The following SLC13A5 variants were observed in gnomAD, a reference collection of about 807,000 sequenced individuals.
SLC13A5 encodes solute carrier family 13 member 5.
Under a neutral mutation model 56.5 loss-of-function variants are expected in SLC13A5, and 25 were observed. That is an observed-to-expected ratio of 0.44 (90% CI 0.32 to 0.62). The LOEUF (loss-of-function observed/expected upper bound fraction) is 0.62. Ranked by LOEUF, SLC13A5 falls within the 20% of genes least tolerant of loss-of-function variation. SLC13A5 has a pLI of 0.04. For synonymous variants in SLC13A5, 307 were observed against 301.5 expected (o/e 1.02, Z -0.19); for missense variants, 649 against 737.8 (o/e 0.88, Z 1.39).
At position 6,697,970 on chromosome 17, in the gene SLC13A5, G is replaced by A. The variant is rs1036414929; in HGVS notation, c.840-2029C>T. Among the ~76,000 whole-genome samples, 3 of 152,236 alleles carry A rather than the reference G, an allele frequency of 2.0e-5. No individual in the cohort carries two copies. The East Asian group carries it at 5.8e-4, about 29-fold the overall frequency. On this transcript the variant is annotated intron_variant, in intron 6 of 11. Transcript: ENST00000433363. Reference sequence around the variant, plus strand: ...GACAGTGGAGCTGCCTCCTGCCGCTGAGACAGGTGCTCCCTGGCCTCAGGT... The same window carrying A: ...GACAGTGGAGCTGCCTCCTGCCGCTAAGACAGGTGCTCCCTGGCCTCAGGT...
chr17:6,708,258 G>A (rs1256142723), intron 1 of SLC13A5, among the ~76,000 whole-genome samples: 2 of 152,156 alleles, frequency 1.3e-5, no homozygotes, highest in Non-Finnish European at 2.9e-5. Context: ...GTGAGCCACC[G>A]CGCCCAACCT....
chr17:6,709,987 C>G (rs1445723047), intron 1 of SLC13A5, among the ~76,000 whole-genome samples: 1 of 152,168 alleles, frequency 6.6e-6, no homozygotes, highest in Non-Finnish European at 1.5e-5. Context: ...GCCAAAGTTC[C>G]CCTGTTGTGG....
chr17:6,711,708 AGAGT>A lies in SLC13A5; in HGVS notation c.102+1520_102+1523del, dbSNP rs1974043090. On this transcript the variant is annotated intron_variant, in intron 1 of 11. Coordinates refer to ENST00000433363, the MANE Select transcript of SLC13A5 (RefSeq NM_177550.5). This position sits in a 1 kb window ranked among gnomAD's most constrained non-coding sequence, Gnocchi z 4.0. ...TTGTGAGTGTGTGTGTGTGAGAGAG[AGAGT>A]GTGTATGTGTGTGTGTGTGAGTGGG... Among the ~76,000 whole-genome samples, 1 of 150,458 alleles carries A rather than the reference AGAGT, an allele frequency of 6.6e-6. No homozygotes were observed. Among genetic ancestry groups the A allele is most frequent in the Non-Finnish European group, 1.5e-5 (1 of 67,524 alleles).
Position 6,706,707 on chromosome 17 carries a change from C to T in SLC13A5, c.303G>A (p.Glu101=), listed in dbSNP as rs781176593. 6.2e-6 allele frequency: 10 copies of T among 1,614,038 alleles called. No homozygotes were observed. The highest frequency in any genetic ancestry group is 8.5e-6 in the Non-Finnish European group (10 of 1,180,000). ...LGGLIVAVAV[E]RWNLHKRIAL... is the part of the protein sequence containing the mutation. ...CGATCCTCTTGTGCAGGTTCCAGCG[C>T]TCCACAGCCACGGCCACGATGAGGC... is the stretch of plus-strand genomic sequence containing the variant. The change falls in exon 3 of 12, where the codon GAG becomes GAA. Residue 101 remains glutamate, a synonymous_variant. Coordinates refer to ENST00000433363, the MANE Select transcript of SLC13A5 (RefSeq NM_177550.5).
intron 3 of SLC13A5, chr17:6,705,042 CT>C (rs61096181): frequency 0.1 from 15,371 of 152,798 alleles, 937 homozygotes; most frequent in East Asian, 0.28. Flanking sequence ...CAGGCTCCTC[CT>C]CAGGGCTCCT....
At position 6,711,839 on chromosome 17, in the gene SLC13A5, T is replaced by A. The variant is rs1974048146; in HGVS notation, c.102+1393A>T. Among the ~76,000 whole-genome samples, 1 of 152,050 alleles carries A rather than the reference T, an allele frequency of 6.6e-6. No individual in the cohort carries two copies. The highest frequency in any genetic ancestry group is 1.5e-5 in the Non-Finnish European group (1 of 68,018). Reference sequence around the variant, plus strand: ...ATCGCAGCTCTCCTGCCTGGCTACTTCCCCTGGACAATAACAACCCCAGAC... The same window carrying A: ...ATCGCAGCTCTCCTGCCTGGCTACTACCCCTGGACAATAACAACCCCAGAC... On this transcript the variant is annotated intron_variant, in intron 1 of 11. Transcript: ENST00000433363. This position sits in a 1 kb window ranked among gnomAD's most constrained non-coding sequence, Gnocchi z 4.0.
In SLC13A5 at chr17:6,690,949, C is replaced by A. The variant is rs1237239783; in HGVS notation, c.1276-9G>T. ...ACGGACAGCCCCGAGGCCTGGGAAG[C>A]ACCAGGAGGGCAGTCATCTCAGCGC... On this transcript the variant is annotated splice_polypyrimidine_tract_variant and intron_variant, in intron 9 of 11. Transcript: ENST00000433363. 1 of 1,595,242 alleles carries A rather than the reference C, an allele frequency of 6.3e-7. No homozygotes were observed. The highest frequency in any genetic ancestry group is 1.1e-5 in the South Asian group (1 of 88,382).
chr17:6,698,199 G>A (rs569356464), intron 6 of SLC13A5, among the ~76,000 whole-genome samples: 19 of 152,368 alleles, frequency 1.2e-4, no homozygotes, highest in African/African-American at 3.8e-4. Context: ...AGAGTGGCCC[G>A]TCGGGAAGGG....
rs1005867036 is a variant in SLC13A5 at position 6,687,700 on chromosome 17, A to G, written c.1438-34T>C. On this transcript the variant is annotated intron_variant, in intron 10 of 11. Transcript: ENST00000433363. This position sits in a 1 kb window ranked among gnomAD's most constrained non-coding sequence, Gnocchi z 5.0. The stretch of plus-strand genomic sequence containing the variant: ...AAACAGCACTGCAACATCACCGTAC[A>G]GAACACAGAAGCTCTTGGGGACGTG... The G allele has an allele frequency of 2.6e-6, 4 of 1,534,194 alleles. No individual in the cohort carries two copies. Among genetic ancestry groups the G allele is most frequent in the Non-Finnish European group, 3.5e-6 (4 of 1,143,280 alleles).
In SLC13A5 at chr17:6,702,974, T is replaced by C. The variant is rs747576233; in HGVS notation, c.712A>G (p.Asn238Asp). Residue 238 changes from asparagine (N) to aspartate (D), a missense_variant, in exon 5 of 12, where the codon AAC becomes GAC. Transcript: ENST00000433363. Reference protein sequence around the residue: ...GPNVVLLGQMNELFPDSKDLV... With the variant: ...GPNVVLLGQMDELFPDSKDLV... The stretch of plus-strand genomic sequence containing the variant: ...AAGGTGCGACCAAGGACTCACTCGT[T>C]CATCTGGCCCAGGAGCACCACGTTG... The C allele has an allele frequency of 3.7e-6, 6 of 1,613,876 alleles. No homozygotes were observed. In the East Asian group the frequency reaches 1.3e-4, roughly 36 times the overall value.
At chr17:6,702,210 G>C (rs1973733151) in intron 5 of SLC13A5, among the ~76,000 whole-genome samples, 1 of 151,998 alleles carries the variant, frequency 6.6e-6, no homozygotes, top group African/African-American at 2.4e-5. Context: ...CCTTATTTTT[G>C]TGCCTGCCCA....
chr17:6,686,850 C>T (rs1324941772), intron 11 of SLC13A5: 1 of 157,074 alleles, frequency 6.4e-6, no homozygotes, highest in African/African-American at 2.4e-5. Context: ...TTCTGGGACC[C>T]ACCTTTTTTT....
At chr17:6,698,812 C>T (rs1180913094) in intron 6 of SLC13A5, among the ~76,000 whole-genome samples, 2 of 152,044 alleles carry the variant, frequency 1.3e-5, no homozygotes, top group African/African-American at 2.4e-5. Context: ...CCAAGGAGGG[C>T]GGATCACCGG....
chr17:6,691,348 C>T (rs1251799897), intron 9 of SLC13A5, among the ~76,000 whole-genome samples: 1 of 152,242 alleles, frequency 6.6e-6, no homozygotes, highest in East Asian at 1.9e-4. Context: ...CTCTGTTCCC[C>T]TCCTTCCTTA....
intron 6 of SLC13A5, 66 bp downstream of exon 6, chr17:6,700,938 T>C (rs1207785495): frequency 3.1e-6 from 5 of 1,605,180 alleles, no homozygotes; most frequent in Non-Finnish European, 2.6e-6. Flanking sequence ...CTATTGAGTC[T>C]GAGGGCTCTT....
chr17:6,699,897 C>T (rs763731646), intron 6 of SLC13A5, among the ~76,000 whole-genome samples: 9 of 152,244 alleles, frequency 5.9e-5, no homozygotes, highest in Non-Finnish European at 1.0e-4. Flanking sequence ...TGAGCCATCG[C>T]GCCCGGCCTG....
In SLC13A5 at chr17:6,687,797, T is replaced by C; in HGVS notation, c.1438-131A>G. On this transcript the variant is annotated intron_variant, in intron 10 of 11. Transcript: ENST00000433363. This position sits in a 1 kb window ranked among gnomAD's most constrained non-coding sequence, Gnocchi z 5.0. ...GTGCCTCAGTCTTGGTTCCTCTCCC[T>C]TTTGCCACGTCTCTGGCAGATAATT... 1.8e-6 allele frequency: 2 copies of C among 1,125,634 alleles called. No individual in the cohort carries two copies. The highest frequency in any genetic ancestry group is 3.9e-5 in the Admixed American group (1 of 25,856). The allele number at this position is 1,125,634 out of a possible 1,614,324, so 69.7% of individuals were successfully genotyped here.
chr17:6,703,901 T>G lies in SLC13A5; in HGVS notation c.524A>C (p.Lys175Thr). 1.3e-6 allele frequency: 2 copies of G among 1,570,058 alleles called. No individual in the cohort carries two copies. The highest frequency in any genetic ancestry group is 1.7e-6 in the Non-Finnish European group (2 of 1,156,124). Reference sequence around the variant, plus strand: ...ACCTGGCAGCTCCTTGGCCTTGCCCTTGTCCACCAGCTCCAGGCCGGCCTC... The same window carrying G: ...ACCTGGCAGCTCCTTGGCCTTGCCCGTGTCCACCAGCTCCAGGCCGGCCTC... ...ATEAGLELVD[K>T]GKAKELPGSQ... Residue 175 changes from lysine (K) to threonine (T), a missense_variant, in exon 4 of 12, where the codon AAG (lysine) becomes ACG (threonine). Physicochemically the swap from Lys to Thr is moderately conservative, Grantham distance 78. Transcript: ENST00000433363.
At chr17:6,695,648 C>T in intron 7 of SLC13A5, 78 bp downstream of exon 7, 1 of 1,489,318 alleles carries the variant, frequency 6.7e-7, no homozygotes, top group Non-Finnish European at 9.3e-7. Context: ...ACCTCAGCCT[C>T]CCAAAGTGCT....
Sources: allele counts gnomAD v4.1 joint callset (sites outside exome capture counted in the v4.1 genomes callset), GRCh38; gene constraint gnomAD v4.1.1; non-coding constraint Gnocchi (gnomAD v3.1); transcripts MANE v1.5; gene names NCBI Gene and HGNC (gene_info 2026-07-23, HGNC 2026-07-21).